The following ZNF143 variants were observed in gnomAD, a reference collection of about 807,000 sequenced individuals.
ZNF143 encodes the protein zinc finger protein 143, also known as SPH-binding factor.
ZNF143 carries 49 observed loss-of-function variants against 74.1 expected under a neutral mutation model. The ratio of observed to expected loss-of-function variants is 0.66; its 90% confidence interval spans 0.53 to 0.84. The LOEUF is 0.84. Ranked by LOEUF, ZNF143 falls within the 40% of genes least tolerant of loss-of-function variation. ZNF143 has a pLI of 0.00. For synonymous variants in ZNF143, 304 were observed against 282.8 expected, an observed-to-expected ratio of 1.07 and a Z score of -0.75; for missense variants, 637 against 793.4, an observed-to-expected ratio of 0.80 and a Z score of 2.37.
intron 5 of ZNF143, among the ~76,000 whole-genome samples, 174 bp downstream of exon 5, chr11:9,474,807 G>T (rs914034135): frequency 1.3e-5 from 2 of 152,234 alleles, no homozygotes; most frequent in African/African-American, 2.4e-5. Flanking sequence ...TACAATTTGA[G>T]CTGTCCAGTG....
intron 12 of ZNF143, among the ~76,000 whole-genome samples, chr11:9,510,503 G>C (rs1190757206): frequency 6.6e-6 from 1 of 152,106 alleles, no homozygotes; most frequent in Non-Finnish European, 1.5e-5. Context: ...AACTAAGATT[G>C]TTTTTCCAAG....
chr11:9,476,791 G>A (rs1478572075), intron 5 of ZNF143, among the ~76,000 whole-genome samples: 1 of 89,442 alleles, frequency 1.1e-5, no homozygotes, highest in Non-Finnish European at 2.0e-5. Flanking sequence ...ACAGACTCTC[G>A]CTCTCTCTCC....
Position 9,471,380 on chromosome 11 carries a change from A to C in ZNF143, c.72A>C (p.Gln24His), listed in dbSNP as rs762927568. 1 of 1,612,992 alleles carries C rather than the reference A, an allele frequency of 6.2e-7. No individual in the cohort carries two copies. Reference protein sequence around the residue: ...TEFPGGGMEAQHVTLCLTEAV... With the variant: ...TEFPGGGMEAHHVTLCLTEAV... ...TTCCTGGAGGAGGGATGGAGGCGCA[A>C]CATGTTACGCTGTGCTTGACAGAGG... The change falls in exon 2 of 16, where the codon CAA becomes CAC. Residue 24 changes from glutamine to histidine, a missense_variant. Coordinates refer to ENST00000396602, the MANE Select transcript of ZNF143 (RefSeq NM_003442.6).
chr11:9,501,348 A>G, intron 11 of ZNF143, 78 bp downstream of exon 11: 11 of 1,507,824 alleles, frequency 7.3e-6, no homozygotes, highest in Non-Finnish European at 9.9e-6. Context: ...ACCATTTCCA[A>G]CTAATCTCTT....
intron 7 of ZNF143, among the ~76,000 whole-genome samples, chr11:9,492,149 T>C (rs1340311154): frequency 6.7e-6 from 1 of 149,442 alleles, no homozygotes; most frequent in Non-Finnish European, 1.5e-5. Context: ...CTTGCTCTGT[T>C]TCCCAGGCTG....
intron 12 of ZNF143, among the ~76,000 whole-genome samples, chr11:9,512,237 A>G (rs1223677739): frequency 6.6e-6 from 1 of 152,200 alleles, no homozygotes; most frequent in African/African-American, 2.4e-5. Context: ...TGATGCAGAA[A>G]GATTTTTTGT....
intron 1 of ZNF143, among the ~76,000 whole-genome samples, chr11:9,462,338 T>G (rs931494591): frequency 6.6e-6 from 1 of 151,992 alleles, no homozygotes; most frequent in Non-Finnish European, 1.5e-5. Context: ...TACCTTACAG[T>G]TCACCCATTT....
chr11:9,495,535 T>G (rs993892869), intron 8 of ZNF143, among the ~76,000 whole-genome samples: 2 of 152,266 alleles, frequency 1.3e-5, no homozygotes. Context: ...TAGCTAAGAT[T>G]TGTTAAAGAA....
At chr11:9,480,885 CAAAAAAA>C (rs34087710) in intron 7 of ZNF143, among the ~76,000 whole-genome samples, 14 of 105,092 alleles carry the variant, frequency 1.3e-4, no homozygotes, top group South Asian at 6.1e-4. Flanking sequence ...GAAACTGTCT[CAAAAAAA>C]AAAAAAAGAA....
At chr11:9,512,095 G>A (rs1042249549) in intron 12 of ZNF143, among the ~76,000 whole-genome samples, 1 of 152,128 alleles carries the variant, frequency 6.6e-6, no homozygotes, top group African/African-American at 2.4e-5. Flanking sequence ...CATACTTGCT[G>A]TATTTGAAGG....
chr11:9,483,372 A>G (rs1847328498), intron 7 of ZNF143, among the ~76,000 whole-genome samples: 2 of 130,870 alleles, frequency 1.5e-5, no homozygotes, highest in African/African-American at 6.1e-5. Context: ...ATCTCAGCTC[A>G]CTACAACCTC....
At chr11:9,527,106 T>G (rs1335568040) in intron 15 of ZNF143, among the ~76,000 whole-genome samples, 1 of 152,174 alleles carries the variant, frequency 6.6e-6, no homozygotes, top group Non-Finnish European at 1.5e-5. Flanking sequence ...GTGCTGAGAT[T>G]ACAGGCGTGA....
chr11:9,506,818 T>G (rs546140493), intron 11 of ZNF143, among the ~76,000 whole-genome samples: 3 of 152,068 alleles, frequency 2.0e-5, no homozygotes, highest in Non-Finnish European at 4.4e-5. Flanking sequence ...TTCTTTTTCT[T>G]TTTTTTTCTT....
At chr11:9,503,552 C>CT (rs113864408) in intron 11 of ZNF143, among the ~76,000 whole-genome samples, 2,772 of 151,728 alleles carry the variant, frequency 0.018, 79 homozygotes, top group African/African-American at 0.062. Context: ...TATTATCTGT[C>CT]TTTTTTTATT....
Position 9,471,388 on chromosome 11 carries a change from C to T in ZNF143, c.80C>T (p.Thr27Met), listed in dbSNP as rs766921094. 7 of 1,612,088 alleles carry T rather than the reference C, an allele frequency of 4.3e-6. No homozygotes were observed. The highest frequency in any genetic ancestry group is 1.7e-5 in the Admixed American group (1 of 59,646). ...GGAGGGATGGAGGCGCAACATGTTACGCTGTGCTTGACAGAGGCAGTCACC... is the reference window on the plus strand; with the variant it reads ...GGAGGGATGGAGGCGCAACATGTTATGCTGTGCTTGACAGAGGCAGTCACC... ...PGGGMEAQHV[T>M]LCLTEAVTVA... Residue 27 changes from threonine (T) to methionine (M), a missense_variant, in exon 2 of 16, where the codon ACG becomes ATG. Physicochemically the swap from Thr to Met is moderately conservative, Grantham distance 81 (BLOSUM62 -1). Coordinates refer to ENST00000396602, the MANE Select transcript of ZNF143 (RefSeq NM_003442.6).
chr11:9,479,959 C>T (rs1181634045), intron 7 of ZNF143, among the ~76,000 whole-genome samples: 1 of 152,172 alleles, frequency 6.6e-6, no homozygotes, highest in East Asian at 1.9e-4. Flanking sequence ...CTTCTTCTTC[C>T]AGCTGATTCC....
chr11:9,513,847 C>A (rs1848636207), intron 13 of ZNF143, among the ~76,000 whole-genome samples: 1 of 152,114 alleles, frequency 6.6e-6, no homozygotes, highest in Admixed American at 6.6e-5. Context: ...AACATTGTGC[C>A]ACTACACTCC....
At chr11:9,467,670 A>T (rs981131795) in intron 1 of ZNF143, among the ~76,000 whole-genome samples, 1 of 151,682 alleles carries the variant, frequency 6.6e-6, no homozygotes, top group African/African-American at 2.4e-5. Context: ...GCATGGTGAA[A>T]ACCCTTCTCT....
At chr11:9,505,375 T>G (rs1848326366) in intron 11 of ZNF143, among the ~76,000 whole-genome samples, 1 of 151,772 alleles carries the variant, frequency 6.6e-6, no homozygotes, top group Non-Finnish European at 1.5e-5. Context: ...GTTCAAGTGA[T>G]TCTCCTGCCT....
Sources: gnomAD v4.1 joint callset for allele counts (sites outside exome capture counted in the v4.1 genomes callset) on GRCh38, gnomAD v4.1.1 for gene constraint, MANE v1.5 for transcripts, NCBI Gene and HGNC (gene_info 2026-07-23, HGNC 2026-07-21) for gene names.